The following TPTE variants were observed in gnomAD, a reference collection of about 807,000 sequenced individuals.
The protein encoded by TPTE is transmembrane phosphatase with tensin homology.
In TPTE, 59 loss-of-function variants were observed where a neutral mutation model predicts 84.1. The observed-to-expected ratio is 0.70, with a 90% confidence interval of 0.57 to 0.87. TPTE has a LOEUF of 0.87. Among genes scored for constraint, TPTE ranks in the 40% least tolerant of loss-of-function variants. The pLI, the probability that TPTE is intolerant of heterozygous loss-of-function variation, is 0.00. For missense variants in TPTE, 382 were observed against 659.6 expected (o/e 0.58, Z 4.61); for synonymous variants, 130 against 223.5 (o/e 0.58, Z 3.73).
chr21:10,551,339 G>A (rs2074569896), intron 7 of TPTE, among the ~76,000 whole-genome samples: 1 of 152,284 alleles, frequency 6.6e-6, no homozygotes, highest in East Asian at 1.9e-4. Context: ...TAATGTAAAT[G>A]ACGAGTTAAT....
At chr21:10,525,920 C>T (rs1316017914) in intron 2 of TPTE, among the ~76,000 whole-genome samples, 1 of 152,306 alleles carries the variant, frequency 6.6e-6, no homozygotes, top group Non-Finnish European at 1.5e-5. Flanking sequence ...TGGCTTGTCA[C>T]CTGAATCTGG....
At position 10,531,659 on chromosome 21, in the gene TPTE, G is replaced by A. The variant is rs369024593; in HGVS notation, c.-44+4247G>A. ...ACATTGAAGTTATGTGCTCTAATCC[G>A]TCATCTGCCTGTTAGCTTTGGCATT... On this transcript the variant is annotated intron_variant, in intron 3 of 23. Transcript: ENST00000618007. Among the ~76,000 whole-genome samples the A allele has an allele frequency of 1.1e-4, 17 of 152,414 alleles. No individual in the cohort carries two copies. The East Asian group carries it at 1.2e-3, about 10-fold the overall frequency.
At chr21:10,590,590 G>A in intron 18 of TPTE, 67 bp downstream of exon 18, 1 of 1,579,914 alleles carries the variant, frequency 6.3e-7, no homozygotes, top group African/African-American at 1.5e-5. Flanking sequence ...AACATCACTG[G>A]CAGGACATTA....
At chr21:10,596,461 G>A (rs1208856749) in intron 20 of TPTE, among the ~76,000 whole-genome samples, 1 of 152,308 alleles carries the variant, frequency 6.6e-6, no homozygotes. Context: ...ACCACCTCTA[G>A]TTCAGAGTTT....
chr21:10,553,338 A>G (rs2074617486), intron 8 of TPTE, among the ~76,000 whole-genome samples: 1 of 152,428 alleles, frequency 6.6e-6, no homozygotes, highest in South Asian at 2.1e-4. Flanking sequence ...TTGTATAACC[A>G]TTCACCAGCT....
chr21:10,555,730 A>G (rs560897485), intron 8 of TPTE, among the ~76,000 whole-genome samples: 8 of 152,420 alleles, frequency 5.2e-5, no homozygotes, highest in African/African-American at 1.9e-4. Flanking sequence ...ATGTTTTGCT[A>G]TTATCTGATT....
chr21:10,541,058 G>T (rs1002177896), intron 4 of TPTE, 54 bp from the exon 5 acceptor site: 198 of 1,608,778 alleles, frequency 1.2e-4, no homozygotes, highest in Non-Finnish European at 1.6e-4. Flanking sequence ...GCTATTTGTT[G>T]CAAAACATTA....
intron 3 of TPTE, among the ~76,000 whole-genome samples, chr21:10,535,811 C>T (rs1235134638): frequency 6.6e-6 from 1 of 152,310 alleles, no homozygotes. Flanking sequence ...CCCAAACCCA[C>T]AATCATTTTG....
intron 1 of TPTE, 41 bp downstream of exon 1, chr21:10,521,735 G>C (rs1248098454): frequency 1.0e-4 from 16 of 152,994 alleles, no homozygotes; most frequent in African/African-American, 3.8e-4. Flanking sequence ...GGGTAGGGGT[G>C]GGGGACGCTC....
chr21:10,601,986 A>G (rs538041579), intron 21 of TPTE, 72 bp from the exon 22 acceptor site: 7 of 1,509,998 alleles, frequency 4.6e-6, no homozygotes, highest in African/African-American at 2.7e-5. Flanking sequence ...GGAAGTCATG[A>G]TAAGTGAAAA....
intron 3 of TPTE, among the ~76,000 whole-genome samples, chr21:10,529,040 T>C (rs2074131321): frequency 6.6e-6 from 1 of 152,180 alleles, no homozygotes; most frequent in Non-Finnish European, 1.5e-5. Context: ...AAAAATTAGC[T>C]GGGCATGGTG....
chr21:10,598,855 G>C (rs1382376041), intron 21 of TPTE, among the ~76,000 whole-genome samples: 1 of 152,424 alleles, frequency 6.6e-6, no homozygotes, highest in African/African-American at 2.4e-5. Flanking sequence ...TCCCTGCCAT[G>C]CCCTCCCTAC....
At position 10,567,671 on chromosome 21, in the gene TPTE, A is replaced by C. The variant is rs2145696373; in HGVS notation, c.448A>C (p.Arg150=). 6.2e-7 allele frequency: 1 copy of C among 1,613,330 alleles called. No individual in the cohort carries two copies. The highest frequency in any genetic ancestry group is 8.5e-7 in the Non-Finnish European group (1 of 1,179,636). Residue 150 remains arginine (R), a splice_region_variant and synonymous_variant, in exon 11 of 24, where the codon AGA becomes CGA. Transcript: ENST00000618007. ...TATTTTTTTTGTTTTATATTACAGG[A>C]GACAGCAGTATTTTTCTGACTTATT... ...DVLLRVFVER[R]QQYFSDLFNI...
At chr21:10,533,309 T>G (rs2074210699) in intron 3 of TPTE, among the ~76,000 whole-genome samples, 2 of 152,428 alleles carry the variant, frequency 1.3e-5, no homozygotes. Flanking sequence ...TTCTTACGAC[T>G]CCCATTCTCA....
intron 17 of TPTE, among the ~76,000 whole-genome samples, chr21:10,585,075 A>C (rs1171518533): frequency 6.6e-6 from 1 of 152,312 alleles, no homozygotes; most frequent in Non-Finnish European, 1.5e-5. Flanking sequence ...CTACTAAAAA[A>C]TACAAAAATT....
intron 10 of TPTE, among the ~76,000 whole-genome samples, chr21:10,564,267 T>C (rs2074870112): frequency 1.3e-5 from 2 of 152,298 alleles, no homozygotes; most frequent in Admixed American, 1.3e-4. Flanking sequence ...CCCAGCACTT[T>C]GGGAGGCAGA....
intron 10 of TPTE, among the ~76,000 whole-genome samples, chr21:10,563,267 A>G (rs911175693): frequency 2.6e-5 from 4 of 152,310 alleles, no homozygotes; most frequent in Non-Finnish European, 4.4e-5. Flanking sequence ...GAGTATTTCA[A>G]TCAGAAAGAT....
At chr21:10,557,324 A>ATAGTACTC (rs1272639753) in intron 8 of TPTE, among the ~76,000 whole-genome samples, 5 of 152,306 alleles carry the variant, frequency 3.3e-5, no homozygotes, top group African/African-American at 1.2e-4. Flanking sequence ...CTTCATTTAC[A>ATAGTACTC]TAGTACTCTT....
At chr21:10,562,935 A>G (rs2074838365) in intron 10 of TPTE, among the ~76,000 whole-genome samples, 1 of 152,310 alleles carries the variant, frequency 6.6e-6, no homozygotes. Flanking sequence ...TGTAACTCAA[A>G]GAAGACTACC....
Sources: gnomAD v4.1 joint callset for allele counts (sites outside exome capture counted in the v4.1 genomes callset) on GRCh38, gnomAD v4.1.1 for gene constraint, MANE v1.5 for transcripts, NCBI Gene and HGNC (gene_info 2026-07-23, HGNC 2026-07-21) for gene names.